The following DENND1B variants were observed in gnomAD, a reference collection of about 807,000 sequenced individuals.
DENND1B encodes DENN domain containing 1B.
DENND1B carries 59 observed loss-of-function variants against 90.1 expected under a neutral mutation model. The observed-to-expected ratio is 0.65, with a 90% CI of 0.53 to 0.81. The LOEUF (loss-of-function observed/expected upper bound fraction) is 0.81. Among genes scored for constraint, DENND1B ranks in the 40% least tolerant of loss-of-function variants. DENND1B has a pLI of 0.00. For missense variants in DENND1B, 862 were observed against 912.6 expected, an observed-to-expected ratio of 0.94 and a Z score of 0.71; for synonymous variants, 337 against 324.6, an observed-to-expected ratio of 1.04 and a Z score of -0.41.
chr1:197,590,002 T>C (rs1253011822), intron 14 of DENND1B, among the ~76,000 whole-genome samples: 2 of 152,162 alleles, frequency 1.3e-5, no homozygotes, highest in African/African-American at 4.8e-5. Flanking sequence ...TATTTTTTTA[T>C]AGCTTCTGAC....
At chr1:197,690,085 T>C (rs16841881) in intron 3 of DENND1B, 2,916 of 201,116 alleles carry the variant, frequency 0.014, 87 homozygotes, top group African/African-American at 0.064. Context: ...AAACCCAGCA[T>C]GTGGTCTACT....
At position 197,672,100 on chromosome 1, in the gene DENND1B, C is replaced by G. The variant is rs779135577; in HGVS notation, c.233G>C (p.Ser78Thr). 1.9e-6 allele frequency: 3 copies of G among 1,612,752 alleles called. No individual in the cohort carries two copies. Among genetic ancestry groups the G allele is most frequent in the Non-Finnish European group, 2.5e-6 (3 of 1,179,202 alleles). Residue 78 changes from serine to threonine, a missense_variant, in exon 5 of 23, where the codon AGT becomes ACT. By Grantham distance (58) the Ser-to-Thr change is moderately conservative (BLOSUM62 1). Coordinates refer to ENST00000620048, the MANE Select transcript of DENND1B (RefSeq NM_001195215.2). Reference sequence around the variant, plus strand: ...TCTGCAGAATCCAAATCTCTGTTTACTTTCAATGTCTGTCAGTACAAAGGT... The same window carrying G: ...TCTGCAGAATCCAAATCTCTGTTTAGTTTCAATGTCTGTCAGTACAAAGGT... ...HFTFVLTDIE[S>T]KQRFGFCRLT... is the part of the protein sequence containing the mutation.
intron 6 of DENND1B, among the ~76,000 whole-genome samples, chr1:197,657,787 CATT>C (rs1653999779): frequency 6.6e-6 from 1 of 152,080 alleles, no homozygotes; most frequent in African/African-American, 2.4e-5. Context: ...AGGGCTGGAA[CATT>C]ATTTGTACAA....
At chr1:197,738,511 T>C (rs186739592) in intron 2 of DENND1B, among the ~76,000 whole-genome samples, 6 of 152,316 alleles carry the variant, frequency 3.9e-5, no homozygotes. Flanking sequence ...ACTTGGGTTA[T>C]TAACTGTGAA....
chr1:197,643,820 ATCT>A (rs1464313600), intron 9 of DENND1B, among the ~76,000 whole-genome samples: 8 of 152,226 alleles, frequency 5.3e-5, no homozygotes, highest in Non-Finnish European at 8.8e-5. Flanking sequence ...TGACTTTTAG[ATCT>A]TCTCCTTTCT....
chr1:197,736,994 C>A (rs1180625582), intron 2 of DENND1B, among the ~76,000 whole-genome samples: 3 of 152,172 alleles, frequency 2.0e-5, no homozygotes, highest in Admixed American at 6.5e-5. Context: ...ATTGCTATGT[C>A]TCTTGAAAAT....
At chr1:197,642,653 TAGGTCTTTTTGTG>T (rs1680366626) in intron 10 of DENND1B, 45 bp downstream of exon 10, 1 of 1,238,514 alleles carries the variant, frequency 8.1e-7, no homozygotes, top group Non-Finnish European at 1.2e-6. Context: ...CAAAGGTTTT[TAGGTCTTTTTGTG>T]AAACACTCAA....
At chr1:197,657,675 CTG>C (rs765104998) in intron 6 of DENND1B, among the ~76,000 whole-genome samples, 1 of 152,130 alleles carries the variant, frequency 6.6e-6, no homozygotes, top group African/African-American at 2.4e-5. Context: ...AATGTGGACA[CTG>C]TGGAAAATGC....
intron 10 of DENND1B, among the ~76,000 whole-genome samples, chr1:197,625,580 T>A (rs956848735): frequency 6.6e-6 from 1 of 151,996 alleles, no homozygotes; most frequent in African/African-American, 2.4e-5. Context: ...GTAAAGACCA[T>A]CGAGGCTAGG....
chr1:197,590,495 C>G (rs892955293), intron 14 of DENND1B, among the ~76,000 whole-genome samples: 1 of 152,024 alleles, frequency 6.6e-6, no homozygotes, highest in African/African-American at 2.4e-5. Context: ...AAATTTCCAA[C>G]AACTTTAAGG....
At chr1:197,747,007 A>G in intron 2 of DENND1B, 2 of 896,362 alleles carry the variant, frequency 2.2e-6, no homozygotes, top group South Asian at 2.6e-5. Flanking sequence ...TGATTTCTCA[A>G]CATTTTTCCT....
chr1:197,665,767 T>G (rs1026353598), intron 5 of DENND1B, among the ~76,000 whole-genome samples: 1 of 152,124 alleles, frequency 6.6e-6, no homozygotes, highest in African/African-American at 2.4e-5. Flanking sequence ...ATTTTTGGAT[T>G]AAAAGACAAC....
chr1:197,752,620 AT>A (rs1653706573), intron 2 of DENND1B, among the ~76,000 whole-genome samples: 1 of 151,986 alleles, frequency 6.6e-6, no homozygotes, highest in South Asian at 2.1e-4. Flanking sequence ...CAAAATAGAA[AT>A]TTTTTTCAAA....
intron 2 of DENND1B, among the ~76,000 whole-genome samples, chr1:197,740,538 A>C (rs1293527131): frequency 6.6e-6 from 1 of 152,172 alleles, no homozygotes; most frequent in Non-Finnish European, 1.5e-5. Flanking sequence ...AATATGCTAC[A>C]CAATATATTT....
intron 2 of DENND1B, among the ~76,000 whole-genome samples, chr1:197,761,245 TATTAAACAG>T: frequency 6.6e-6 from 1 of 152,172 alleles, no homozygotes; most frequent in Non-Finnish European, 1.5e-5. Flanking sequence ...TGCTTATAAT[TATTAAACAG>T]AAATTGCTCT....
chr1:197,680,535 T>C (rs1006983936), intron 3 of DENND1B, among the ~76,000 whole-genome samples: 1 of 152,216 alleles, frequency 6.6e-6, no homozygotes, highest in Non-Finnish European at 1.5e-5. Flanking sequence ...CCCACAGTTA[T>C]GTGCTATCGA....
At chr1:197,756,817 G>C (rs974510048) in intron 2 of DENND1B, among the ~76,000 whole-genome samples, 16 of 151,272 alleles carry the variant, frequency 1.1e-4, no homozygotes, top group African/African-American at 3.9e-4. Flanking sequence ...CATTATTAAA[G>C]AAAATACTAT....
chr1:197,594,507 C>T (rs886145141), intron 14 of DENND1B, among the ~76,000 whole-genome samples: 1 of 152,132 alleles, frequency 6.6e-6, no homozygotes, highest in Non-Finnish European at 1.5e-5. Flanking sequence ...ATGGTTTTAT[C>T]TCTTACAACT....
At chr1:197,654,580 A>G (rs939238508) in intron 6 of DENND1B, among the ~76,000 whole-genome samples, 1 of 152,082 alleles carries the variant, frequency 6.6e-6, no homozygotes, top group Non-Finnish European at 1.5e-5. Flanking sequence ...ACTGCCCTTC[A>G]GCCTGGGCGA....
Sources: allele counts gnomAD v4.1 joint callset (sites outside exome capture counted in the v4.1 genomes callset), GRCh38; gene constraint gnomAD v4.1.1; transcripts MANE v1.5; gene names NCBI Gene and HGNC (gene_info 2026-07-23, HGNC 2026-07-21).